PDK1: variants seen among roughly 807,000 people sequenced by gnomAD.
The protein encoded by PDK1 is pyruvate dehydrogenase kinase 1, also known as [Pyruvate dehydrogenase (acetyl-transferring)] kinase isozyme 1, mitochondrial.
Under a neutral mutation model 54.2 loss-of-function variants are expected in PDK1, and 39 were observed. The ratio of observed to expected loss-of-function variants is 0.72; its 90% CI spans 0.56 to 0.94. The LOEUF (loss-of-function observed/expected upper bound fraction) is 0.94, where lower values mean the gene tolerates loss of function less well. Among genes scored for constraint, PDK1 ranks in the 40% least tolerant of loss-of-function variants. The pLI is 0.00. For synonymous variants in PDK1, 221 were observed against 207.1 expected (o/e 1.07, Z -0.58); for missense variants, 552 against 566.0 (o/e 0.98, Z 0.25).
the PDK1 span, among the ~76,000 whole-genome samples, chr2:172,714,061 A>G: frequency 1.5e-4 from 23 of 152,220 alleles, no homozygotes; most frequent in Non-Finnish European, 2.8e-4. Flanking sequence ...CTGGGAACAA[A>G]ACACTGGTAC....
At chr2:172,693,187 A>G in the PDK1 span, among the ~76,000 whole-genome samples, 1 of 152,230 alleles carries the variant, frequency 6.6e-6, no homozygotes, top group African/African-American at 2.4e-5. Flanking sequence ...CACTGTGGTG[A>G]TAGGAAAAAT....
Position 172,607,156 on chromosome 2 carries a change from G to A in PDK1, c.*11187G>A, listed in dbSNP as rs1393621769. The A allele has an allele frequency of 2.0e-5, 3 of 152,158 alleles. No individual in the cohort carries two copies. Among genetic ancestry groups the A allele is most frequent in the African/African-American group, 7.2e-5 (3 of 41,438 alleles). 9.4% of individuals were successfully genotyped at this position (152,158 alleles called of 1,614,324 possible). A position where few individuals can be genotyped will look rare whatever the true frequency, so the allele number is the denominator to read the frequency against. On this transcript the variant is annotated 3_prime_UTR_variant, in exon 11 of 11. Coordinates refer to ENST00000282077, the MANE Select transcript of PDK1 (RefSeq NM_002610.5). ...AAATCCAAAATAGCCAAGCATGGTG[G>A]CTCACGCCTATAATCCCAACTACTC...
At chr2:172,655,214 A>G in the PDK1 span, among the ~76,000 whole-genome samples, 1 of 152,214 alleles carries the variant, frequency 6.6e-6, no homozygotes, top group African/African-American at 2.4e-5. Context: ...GGTCTGGATG[A>G]GGCCCATGGG....
chr2:172,682,249 A>G, the PDK1 span, among the ~76,000 whole-genome samples: 2 of 152,234 alleles, frequency 1.3e-5, no homozygotes, highest in African/African-American at 4.8e-5. Flanking sequence ...GTGTGGCTGT[A>G]GTAGAGAGAG....
In PDK1 at chr2:172,604,544, G is replaced by A. The variant is rs1050552615; in HGVS notation, c.*8575G>A. ...AATGTTCATTGCTAATACATTTCACGTTTGAATCTCCAGTTCAGAAAAATC... is the reference window on the plus strand; with the variant it reads ...AATGTTCATTGCTAATACATTTCACATTTGAATCTCCAGTTCAGAAAAATC... On this transcript the variant is annotated 3_prime_UTR_variant, in exon 11 of 11. Transcript: ENST00000282077. 7 of 151,876 alleles carry A rather than the reference G, an allele frequency of 4.6e-5. No individual in the cohort carries two copies. Among genetic ancestry groups the A allele is most frequent in the African/African-American group, 1.7e-4 (7 of 41,340 alleles). The allele number at this position is 151,876 out of a possible 1,614,324, so 9.4% of individuals were successfully genotyped here. A position where few individuals can be genotyped will look rare whatever the true frequency, so the allele number is the denominator to read the frequency against.
At chr2:172,672,917 A>G in the PDK1 span, among the ~76,000 whole-genome samples, 18 of 152,236 alleles carry the variant, frequency 1.2e-4, no homozygotes, top group South Asian at 6.2e-4. Context: ...GCATCAAAGC[A>G]TGTTACCAGC....
chr2:172,595,174 A>G (rs1690821199), intron 10 of PDK1, among the ~76,000 whole-genome samples: 1 of 152,104 alleles, frequency 6.6e-6, no homozygotes, highest in Non-Finnish European at 1.5e-5. Context: ...GCTTCAAGTG[A>G]TCCTCCTCTC....
At position 172,597,061 on chromosome 2, in the gene PDK1, C is replaced by G. The variant is rs1046099214; in HGVS notation, c.*1092C>G. 1 of 151,842 alleles carries G rather than the reference C, an allele frequency of 6.6e-6. No individual in the cohort carries two copies. The highest frequency in any genetic ancestry group is 2.4e-5 in the African/African-American group (1 of 41,338). The allele number at this position is 151,842 out of a possible 1,614,324, so 9.4% of individuals were successfully genotyped here. Reference sequence around the variant, plus strand: ...TTAGAAGCAGAAGAACAAAATGCCACGTAACCAAAGCATCAGAGCCATCAT... The same window carrying G: ...TTAGAAGCAGAAGAACAAAATGCCAGGTAACCAAAGCATCAGAGCCATCAT... On this transcript the variant is annotated 3_prime_UTR_variant, in exon 11 of 11. Transcript: ENST00000282077.
At chr2:172,666,896 C>T in the PDK1 span, among the ~76,000 whole-genome samples, 1 of 152,192 alleles carries the variant, frequency 6.6e-6, no homozygotes, top group East Asian at 1.9e-4. Context: ...AATTTACTGG[C>T]TAAAACCTTT....
intron 6 of PDK1, among the ~76,000 whole-genome samples, 200 bp downstream of exon 6, chr2:172,567,133 G>T (rs1200499542): frequency 2.0e-5 from 3 of 152,064 alleles, no homozygotes; most frequent in Non-Finnish European, 4.4e-5. Flanking sequence ...TTGGCTTTTT[G>T]TATCACATTT....
rs555326377 is a variant in PDK1 at position 172,590,287 on chromosome 2, C to T, written c.1057-2648C>T. Among the ~76,000 whole-genome samples the T allele has an allele frequency of 1.2e-4, 18 of 152,252 alleles. 1 individual carries two copies. The highest frequency in any genetic ancestry group is 6.2e-4 in the South Asian group (3 of 4,816). ...AAGAGCAGTATTGAGATACCATATC[C>T]GGAATTGGTTTCTTCTGGTAGGTTC... On this transcript the variant is annotated intron_variant, in intron 9 of 10. Coordinates refer to ENST00000282077, the MANE Select transcript of PDK1 (RefSeq NM_002610.5).
At chr2:172,609,416 C>G (rs1005616584), downstream of PDK1, among the ~76,000 whole-genome samples, 5 of 152,178 alleles carry the variant, frequency 3.3e-5, no homozygotes, top group African/African-American at 1.2e-4. Context: ...ATTTTACTTA[C>G]TATAAAGAAA....
Position 172,605,228 on chromosome 2 carries a change from T to TAA in PDK1, c.*9260_*9261dup. ...GCACAAGAGATAGAACCAAATACCA[T>TAA]AATGCCTCCTTCTATTCCACTATGA... On this transcript the variant is annotated 3_prime_UTR_variant, in exon 11 of 11. Coordinates refer to ENST00000282077, the MANE Select transcript of PDK1 (RefSeq NM_002610.5). 1 of 152,252 alleles carries TAA rather than the reference T, an allele frequency of 6.6e-6. No homozygotes were observed. The highest frequency in any genetic ancestry group is 6.5e-5 in the Admixed American group (1 of 15,284). 9.4% of individuals were successfully genotyped at this position (152,252 alleles called of 1,614,324 possible). A position where few individuals can be genotyped will look rare whatever the true frequency, so the allele number is the denominator to read the frequency against.
chr2:172,587,129 T>G (rs1690275649), intron 9 of PDK1, among the ~76,000 whole-genome samples: 1 of 152,214 alleles, frequency 6.6e-6, no homozygotes, highest in Non-Finnish European at 1.5e-5. Flanking sequence ...AGGACTTTAT[T>G]CTGATAGTTT....
Position 172,596,275 on chromosome 2 carries a change from A to G in PDK1, c.*306A>G, listed in dbSNP as rs945024773. The G allele has an allele frequency of 5.3e-6, 1 of 188,762 alleles. No individual in the cohort carries two copies. The highest frequency in any genetic ancestry group is 1.1e-5 in the Non-Finnish European group (1 of 95,164). 11.7% of individuals were successfully genotyped at this position (188,762 alleles called of 1,614,324 possible). ...AATCTTCGGGTTTCTATAGGAAACT[A>G]GTTTTTTTTTTTTAAGAAATACTTT... is the stretch of plus-strand genomic sequence containing the variant. On this transcript the variant is annotated 3_prime_UTR_variant, in exon 11 of 11. Transcript: ENST00000282077.
At chr2:172,697,449 T>C in the PDK1 span, among the ~76,000 whole-genome samples, 1 of 152,250 alleles carries the variant, frequency 6.6e-6, no homozygotes, top group African/African-American at 2.4e-5. Context: ...CTTATGTGGC[T>C]GTTGATTACA....
intron 8 of PDK1, among the ~76,000 whole-genome samples, chr2:172,573,583 G>GTA (rs898100877): frequency 5.3e-5 from 8 of 150,250 alleles, no homozygotes; most frequent in Non-Finnish European, 7.4e-5. Context: ...ATATGTGTGT[G>GTA]TATATATATA....
chr2:172,633,115 T>C, the PDK1 span, among the ~76,000 whole-genome samples: 1 of 151,562 alleles, frequency 6.6e-6, no homozygotes, highest in East Asian at 2.0e-4. Context: ...CAATCATAAC[T>C]CACTCCAGCC....
chr2:172,670,892 A>T, the PDK1 span, among the ~76,000 whole-genome samples: 1 of 152,150 alleles, frequency 6.6e-6, no homozygotes, highest in Non-Finnish European at 1.5e-5. Context: ...AAGGTGAGTT[A>T]TTTGAGTCTG....
Sources: allele counts gnomAD v4.1 joint callset (sites outside exome capture counted in the v4.1 genomes callset), GRCh38; gene constraint gnomAD v4.1.1; transcripts MANE v1.5; gene names NCBI Gene and HGNC (gene_info 2026-07-23, HGNC 2026-07-21).